Variants in PTPRU observed in about 807,000 individuals in gnomAD.
The protein encoded by PTPRU is receptor-type tyrosine-protein phosphatase U.
A neutral mutation model predicts 166.3 loss-of-function variants in PTPRU; 69 were observed. The ratio of observed to expected loss-of-function variants is 0.41; its 90% CI spans 0.34 to 0.51. The LOEUF (loss-of-function observed/expected upper bound fraction) is 0.51, where lower values mean the gene tolerates loss of function less well. Among genes scored for constraint, PTPRU ranks in the 20% least tolerant of loss-of-function variants. The pLI, the probability that PTPRU is intolerant of heterozygous loss-of-function variation, is 0.09. For synonymous variants in PTPRU, 793 were observed against 814.0 expected, an observed-to-expected ratio of 0.97 and a Z score of 0.44; for missense variants, 1,657 against 2,013.7, an observed-to-expected ratio of 0.82 and a Z score of 3.39.
Position 29,315,618 on chromosome 1 carries a change from C to T in PTPRU, c.3363+111C>T, listed in dbSNP as rs1687869052. ...CCAAAGGGTGTCCTGAGGCTCTTGC[C>T]TTCCCTCAGATCATCCCTGACCTTG... On this transcript the variant is annotated intron_variant, in intron 23 of 29. Transcript: ENST00000373779. The surrounding 1 kb of genome is among the most constrained non-coding windows in gnomAD (Gnocchi z 4.5). 3 of 1,465,358 alleles carry T rather than the reference C, an allele frequency of 2.0e-6. No individual in the cohort carries two copies. Among genetic ancestry groups the T allele is most frequent in the Non-Finnish European group, 2.8e-6 (3 of 1,066,048 alleles). 90.8% of individuals were successfully genotyped at this position (1,465,358 alleles called of 1,614,324 possible).
chr1:29,291,794 G>C lies in PTPRU; in HGVS notation c.2319-75G>C. On this transcript the variant is annotated intron_variant, in intron 14 of 29. Transcript: ENST00000373779. This position sits in a 1 kb window ranked among gnomAD's most constrained non-coding sequence, Gnocchi z 4.1. ...CTGGCCTTGAGGTCCCCTTACTCCA[G>C]GGCCTCCCCAGCCACCTCTGGGTGC... The C allele has an allele frequency of 6.6e-7, 1 of 1,521,036 alleles. No individual in the cohort carries two copies. The allele number at this position is 1,521,036 out of a possible 1,614,324, so 94.2% of individuals were successfully genotyped here.
intron 15 of PTPRU, among the ~76,000 whole-genome samples, chr1:29,300,383 T>C (rs961701114): frequency 1.3e-5 from 2 of 152,136 alleles, no homozygotes; most frequent in Non-Finnish European, 1.5e-5. Flanking sequence ...CCCCGAGAGG[T>C]CTTGCAGGGA....
In PTPRU at chr1:29,249,914, C is replaced by T. The variant is rs191369151; in HGVS notation, c.74-5361C>T. ...AATGAGGCCCAGCTCCTCACCCTGG[C>T]GTTCAGGGTCCTCCATGATTGGCCT... On this transcript the variant is annotated intron_variant, in intron 1 of 29. Coordinates refer to ENST00000373779, the MANE Select transcript of PTPRU (RefSeq NM_133178.4). 5.9e-5 allele frequency among the ~76,000 whole-genome samples: 9 copies of T among 152,314 alleles called. No homozygotes were observed. The East Asian group carries it at 1.4e-3, about 23-fold the overall frequency.
intron 15 of PTPRU, among the ~76,000 whole-genome samples, chr1:29,293,760 C>T (rs189601547): frequency 7.1e-4 from 108 of 152,322 alleles, no homozygotes; most frequent in African/African-American, 2.5e-3. Flanking sequence ...AGGCGTGAGC[C>T]ACTGCGCCCG....
At position 29,312,566 on chromosome 1, in the gene PTPRU, C is replaced by T; in HGVS notation, c.3087C>T (p.Ala1029=). 6.3e-7 allele frequency: 1 copy of T among 1,592,346 alleles called. No individual in the cohort carries two copies. Among genetic ancestry groups the T allele is most frequent in the Non-Finnish European group, 8.6e-7 (1 of 1,162,788 alleles). ...TFALERRGYS[A]RHEVRQFHFT... ...TGTCTCCCCAGAGAGGCTACTCTGC[C>T]CGGCACGAGGTCCGCCAGTTCCACT... Residue 1029 remains alanine, a synonymous_variant, in exon 22 of 30, where the codon GCC becomes GCT. Transcript: ENST00000373779.
intron 7 of PTPRU, among the ~76,000 whole-genome samples, chr1:29,269,613 G>A (rs1301619157): frequency 2.0e-5 from 3 of 152,002 alleles, no homozygotes; most frequent in South Asian, 2.1e-4. Context: ...GCTTAGGCGC[G>A]TTGGCCGGCA....
rs962768917 is a variant in PTPRU at position 29,264,088 on chromosome 1, C to T, written c.1144+3185C>T. On this transcript the variant is annotated intron_variant, in intron 7 of 29. Coordinates refer to ENST00000373779, the MANE Select transcript of PTPRU (RefSeq NM_133178.4). ...ACTCAGGAGGCTGAGGCACAAGAAT[C>T]GCTTGAACCCGGGAGGTGGAGGTTG... Among the ~76,000 whole-genome samples the T allele has an allele frequency of 3.9e-5, 6 of 151,924 alleles. No individual in the cohort carries two copies. In the East Asian group the frequency reaches 5.8e-4, roughly 15 times the overall value.
At position 29,301,012 on chromosome 1, in the gene PTPRU, G is replaced by A. The variant is rs561741117; in HGVS notation, c.2477-2843G>A. ...TCAGGCAAGAAAAGTAGGGGGAGGA[G>A]GAGTTTTGGAGGGAGAAGGACAGCA... On this transcript the variant is annotated intron_variant, in intron 15 of 29. Coordinates refer to ENST00000373779, the MANE Select transcript of PTPRU (RefSeq NM_133178.4). Among the ~76,000 whole-genome samples the A allele has an allele frequency of 3.1e-4, 47 of 152,286 alleles. 1 individual carries two copies. Among genetic ancestry groups the A allele is most frequent in the Middle Eastern group, 3.4e-3 (1 of 294 alleles).
chr1:29,323,611 C>G lies in PTPRU; in HGVS notation c.3955-20C>G, dbSNP rs1160711891. 2 of 1,613,494 alleles carry G rather than the reference C, an allele frequency of 1.2e-6. No homozygotes were observed. Among genetic ancestry groups the G allele is most frequent in the African/African-American group, 1.3e-5 (1 of 75,006 alleles). ...ACCCTGGTGCTCATGTCCTCCCTGG[C>G]TGGCTGCCCCTGTCCCCAGTTGCAG... On this transcript the variant is annotated intron_variant, in intron 27 of 29. Transcript: ENST00000373779.
At chr1:29,245,984 G>A (rs772085501) in intron 1 of PTPRU, among the ~76,000 whole-genome samples, 2 of 152,254 alleles carry the variant, frequency 1.3e-5, no homozygotes, top group African/African-American at 4.8e-5. Context: ...CAGATGGCAT[G>A]CTACCACAAC....
Position 29,307,432 on chromosome 1 carries a change from TC to T in PTPRU, c.2820+2005del, listed in dbSNP as rs1687443782. On this transcript the variant is annotated intron_variant, in intron 18 of 29. Coordinates refer to ENST00000373779, the MANE Select transcript of PTPRU (RefSeq NM_133178.4). ...GCTTCCCCTGCCCATTCTGCACTGG[TC>T]ACAACAGTCTGTCACCTTCCTTCCC... is the stretch of plus-strand genomic sequence containing the variant. Among the ~76,000 whole-genome samples, 4 of 152,362 alleles carry T rather than the reference TC, an allele frequency of 2.6e-5. No homozygotes were observed. The East Asian group carries it at 5.8e-4, about 22-fold the overall frequency.
Position 29,277,430 on chromosome 1 carries a change from T to G in PTPRU, c.1454-1582T>G, listed in dbSNP as rs114087497. Among the ~76,000 whole-genome samples the G allele has an allele frequency of 1.4e-3, 209 of 152,358 alleles. 1 individual carries two copies. The highest frequency in any genetic ancestry group is 4.9e-3 in the African/African-American group (202 of 41,586). On this transcript the variant is annotated intron_variant, in intron 8 of 29. Transcript: ENST00000373779. ...ATTGGGACTTTTCTAATTGTCTTTTTATTATTGATTTCTAGGTTAATTCCA... is the reference window on the plus strand; with the variant it reads ...ATTGGGACTTTTCTAATTGTCTTTTGATTATTGATTTCTAGGTTAATTCCA...
rs34163524 is a variant in PTPRU at position 29,266,010 on chromosome 1, G to GTTT, written c.1144+5132_1144+5134dup. 1.7e-3 allele frequency among the ~76,000 whole-genome samples: 138 copies of GTTT among 79,240 alleles called. 14 individuals carry two copies. The highest frequency in any genetic ancestry group is 3.8e-3 in the African/African-American group (85 of 22,518). The allele number at this position is 79,240 out of a possible 152,430, so 52.0% of individuals were successfully genotyped here. ...CTGTCTCCCAAAGATTTTCTCCTGG[G>GTTT]TTTTTTTTTTTTTTTTTTTTTTTTT... is the stretch of plus-strand genomic sequence containing the variant. On this transcript the variant is annotated intron_variant, in intron 7 of 29. Transcript: ENST00000373779.
In PTPRU at chr1:29,259,570, C is replaced by T. The variant is rs756448609; in HGVS notation, c.675+6C>T. ...CCGAACGCTTCCTCTTGCAAGTGAG[C>T]GGGAGCGGTGATCTTGGCTGGGGGC... On this transcript the variant is annotated splice_donor_region_variant and intron_variant, in intron 5 of 29. Coordinates refer to ENST00000373779, the MANE Select transcript of PTPRU (RefSeq NM_133178.4). 2 of 383,242 alleles carry T rather than the reference C, an allele frequency of 5.2e-6. No individual in the cohort carries two copies. Among genetic ancestry groups the T allele is most frequent in the Non-Finnish European group, 4.8e-6 (1 of 206,444 alleles). 23.7% of individuals were successfully genotyped at this position (383,242 alleles called of 1,614,324 possible). A position where few individuals can be genotyped will look rare whatever the true frequency, so the allele number is the denominator to read the frequency against.
At chr1:29,287,315 C>T (rs1326203953) in intron 14 of PTPRU, among the ~76,000 whole-genome samples, 2 of 152,170 alleles carry the variant, frequency 1.3e-5, no homozygotes, top group East Asian at 3.9e-4. Flanking sequence ...ATACCCCACC[C>T]TTCTCCATGG....
intron 1 of PTPRU, among the ~76,000 whole-genome samples, chr1:29,250,164 T>C (rs1294805215): frequency 6.6e-6 from 1 of 152,040 alleles, no homozygotes; most frequent in Non-Finnish European, 1.5e-5. Context: ...GGACCCCCTC[T>C]TGTGGCCTTG....
At chr1:29,248,477 T>C (rs1396946076) in intron 1 of PTPRU, among the ~76,000 whole-genome samples, 1 of 152,148 alleles carries the variant, frequency 6.6e-6, no homozygotes, top group Non-Finnish European at 1.5e-5. Flanking sequence ...TACCTGGGCT[T>C]GGGTGAAATC....
At position 29,238,536 on chromosome 1, in the gene PTPRU, TC is replaced by T. The variant is rs2151936551; in HGVS notation, c.73+1820del. ...CGCGGCCCTGCTGCTGGCTCCGGTG[TC>T]TCGGGCCGGAACTCCTGTGGCTCCA... On this transcript the variant is annotated intron_variant, in intron 1 of 29. Transcript: ENST00000373779. The surrounding 1 kb of genome is among the most constrained non-coding windows in gnomAD (Gnocchi z 6.1). Among the ~76,000 whole-genome samples, 3 of 152,280 alleles carry T rather than the reference TC, an allele frequency of 2.0e-5. No homozygotes were observed. Among genetic ancestry groups the T allele is most frequent in the African/African-American group, 7.2e-5 (3 of 41,574 alleles).
In PTPRU at chr1:29,269,219, CATATATAT is replaced by C. The variant is rs1239721913; in HGVS notation, c.1145-6208_1145-6201del. Among the ~76,000 whole-genome samples, 380 of 42,390 alleles carry C rather than the reference CATATATAT, an allele frequency of 9.0e-3. 9 individuals carry two copies. Among genetic ancestry groups the C allele is most frequent in the Admixed American group, 0.022 (52 of 2,332 alleles). 27.8% of individuals were successfully genotyped at this position (42,390 alleles called of 152,430 possible). A position where few individuals can be genotyped will look rare whatever the true frequency, so the allele number is the denominator to read the frequency against. ...CCACCATGCCCAGCTAATTTATATA[CATATATAT>C]ATATATATATATATATATATTTTTT... On this transcript the variant is annotated intron_variant, in intron 7 of 29. Transcript: ENST00000373779.
Sources: gnomAD v4.1 joint callset for allele counts (sites outside exome capture counted in the v4.1 genomes callset) on GRCh38, gnomAD v4.1.1 for gene constraint, Gnocchi (gnomAD v3.1) non-coding constraint, MANE v1.5 for transcripts, NCBI Gene and HGNC (gene_info 2026-07-23, HGNC 2026-07-21) for gene names.